The following KCNIP4 variants were observed in gnomAD, a reference collection of about 807,000 sequenced individuals.
KCNIP4 encodes the protein potassium voltage-gated channel interacting protein 4, also known as Kv channel-interacting protein 4.
KCNIP4 carries 12 observed loss-of-function variants against 34.0 expected under a neutral mutation model. The ratio of observed to expected loss-of-function variants is 0.35; its 90% confidence interval spans 0.23 to 0.57. KCNIP4 has a LOEUF of 0.57. Among genes scored for constraint, KCNIP4 ranks in the 20% least tolerant of loss-of-function variants. The probability of loss-of-function intolerance (pLI) is 0.83; values close to 1 mark genes in which losing one functional copy is unlikely to be tolerated. For missense variants in KCNIP4, 238 were observed against 311.7 expected (o/e 0.76, Z 1.78); for synonymous variants, 124 against 102.2 (o/e 1.21, Z -1.29).
At chr4:21,073,046 T>C (rs1000576253) in intron 1 of KCNIP4, among the ~76,000 whole-genome samples, 2 of 152,234 alleles carry the variant, frequency 1.3e-5, no homozygotes, top group Admixed American at 1.3e-4. Flanking sequence ...TTAGTTGCTG[T>C]AGCCTTGTAG....
intron 1 of KCNIP4, among the ~76,000 whole-genome samples, chr4:20,944,638 G>A (rs7660907): frequency 0.056 from 8,552 of 152,276 alleles, 557 homozygotes; most frequent in African/African-American, 0.16. Flanking sequence ...AAGGTTTGCG[G>A]GTTTGCCTGG....
chr4:21,381,005 T>C (rs1170828656), intron 1 of KCNIP4, among the ~76,000 whole-genome samples: 1 of 152,204 alleles, frequency 6.6e-6, no homozygotes, highest in Non-Finnish European at 1.5e-5. Flanking sequence ...TTTTTTCATC[T>C]GAAGAGTCAA....
At chr4:20,844,180 T>C (rs546327974) in intron 3 of KCNIP4, among the ~76,000 whole-genome samples, 2 of 152,336 alleles carry the variant, frequency 1.3e-5, no homozygotes, top group South Asian at 2.1e-4. Context: ...GTTTGAACCC[T>C]GGACAGCGCT....
At chr4:21,026,014 A>G (rs1252134685) in intron 1 of KCNIP4, among the ~76,000 whole-genome samples, 1 of 152,216 alleles carries the variant, frequency 6.6e-6, no homozygotes, top group Non-Finnish European at 1.5e-5. Context: ...AGAGAGAAAT[A>G]TTAGTCTAAT....
At chr4:21,865,848 G>A (rs1388312473) in intron 1 of KCNIP4, among the ~76,000 whole-genome samples, 1 of 151,492 alleles carries the variant, frequency 6.6e-6, no homozygotes, top group Non-Finnish European at 1.5e-5. Context: ...TAGGTGCCTG[G>A]CCAACAAATG....
At chr4:21,545,759 C>A (rs1738102077) in intron 1 of KCNIP4, among the ~76,000 whole-genome samples, 1 of 151,942 alleles carries the variant, frequency 6.6e-6, no homozygotes, top group Admixed American at 6.6e-5. Flanking sequence ...GTATATGTGC[C>A]CATTTTCTTT....
At chr4:21,537,591 T>A (rs943849315) in intron 1 of KCNIP4, among the ~76,000 whole-genome samples, 2 of 152,184 alleles carry the variant, frequency 1.3e-5, no homozygotes, top group African/African-American at 4.8e-5. Context: ...CGTGTCTACT[T>A]GGAATTTGTG....
intron 1 of KCNIP4, among the ~76,000 whole-genome samples, chr4:21,869,031 T>C (rs955576671): frequency 6.6e-6 from 1 of 152,186 alleles, no homozygotes; most frequent in Admixed American, 6.5e-5. Context: ...CTGAAAACCC[T>C]GTAACCTAAG....
chr4:21,034,637 C>T (rs1741297101), intron 1 of KCNIP4, among the ~76,000 whole-genome samples: 1 of 152,134 alleles, frequency 6.6e-6, no homozygotes. Context: ...GTGATGGTTT[C>T]TGTCAGTCAC....
At chr4:21,069,443 C>A (rs1042700882) in intron 1 of KCNIP4, among the ~76,000 whole-genome samples, 2 of 152,184 alleles carry the variant, frequency 1.3e-5, no homozygotes, top group Non-Finnish European at 2.9e-5. Context: ...ATCTAAAAAT[C>A]TAAGCTACTT....
chr4:21,154,192 T>C (rs1283091397), intron 1 of KCNIP4, among the ~76,000 whole-genome samples: 5 of 152,172 alleles, frequency 3.3e-5, no homozygotes, highest in African/African-American at 1.2e-4. Flanking sequence ...ATATCAATTC[T>C]CAGTTCACCA....
chr4:21,649,363 AC>A (rs1747296604), intron 1 of KCNIP4, among the ~76,000 whole-genome samples: 2 of 152,314 alleles, frequency 1.3e-5, no homozygotes, highest in African/African-American at 4.8e-5. Context: ...CTCAACAAAA[AC>A]ATGCTAAGTG....
In KCNIP4 at chr4:21,596,504, G is replaced by T. The variant is rs183030275; in HGVS notation, c.61+352067C>A. ...TTTCTTAACTTGGCATGTTGCTAAA[G>T]TCATAGTCAAATCAAATTGTGTGTG... On this transcript the variant is annotated intron_variant, in intron 1 of 8. Coordinates refer to ENST00000382152, the MANE Select transcript of KCNIP4 (RefSeq NM_025221.6). 1.7e-3 allele frequency among the ~76,000 whole-genome samples: 260 copies of T among 152,198 alleles called. 1 individual carries two copies. Among genetic ancestry groups the T allele is most frequent in the Admixed American group, 3.0e-3 (46 of 15,264 alleles).
At chr4:21,425,940 G>C (rs1338851061) in intron 1 of KCNIP4, among the ~76,000 whole-genome samples, 2 of 152,056 alleles carry the variant, frequency 1.3e-5, no homozygotes, top group Admixed American at 6.6e-5. Flanking sequence ...TGTCGTCCCA[G>C]GTACTCGAGA....
rs540358409 is a variant in KCNIP4, at chr4:21,419,105, G to A, written c.61+529466C>T. Among the ~76,000 whole-genome samples the A allele has an allele frequency of 5.3e-5, 8 of 152,286 alleles. No individual in the cohort carries two copies. The East Asian group carries it at 1.5e-3, about 29-fold the overall frequency. ...GCATGGAATACGAATCAAGGTTGAT[G>A]CATCCTTCTGCTGCAGTTGCCATTC... is the stretch of plus-strand genomic sequence containing the variant. On this transcript the variant is annotated intron_variant, in intron 1 of 8. Coordinates refer to ENST00000382152, the MANE Select transcript of KCNIP4 (RefSeq NM_025221.6).
chr4:21,247,799 G>GGA, intron 1 of KCNIP4, among the ~76,000 whole-genome samples: 2 of 59,162 alleles, frequency 3.4e-5, no homozygotes, highest in East Asian at 3.3e-4. Flanking sequence ...CACCACAGGT[G>GGA]GATATATATA....
At chr4:21,071,021 G>A (rs1005908688) in intron 1 of KCNIP4, among the ~76,000 whole-genome samples, 1 of 151,888 alleles carries the variant, frequency 6.6e-6, no homozygotes, top group Non-Finnish European at 1.5e-5. Context: ...TTCTTTGTTA[G>A]ATATGTAGTT....
chr4:21,747,378 T>C (rs1416509987), intron 1 of KCNIP4, among the ~76,000 whole-genome samples: 4 of 152,162 alleles, frequency 2.6e-5, no homozygotes, highest in Non-Finnish European at 1.5e-5. Flanking sequence ...ATGCGTTCTG[T>C]AGACGCCTCA....
intron 1 of KCNIP4, among the ~76,000 whole-genome samples, chr4:21,362,154 T>C (rs549343813): frequency 6.6e-6 from 1 of 152,274 alleles, no homozygotes; most frequent in African/African-American, 2.4e-5. Context: ...TCCTGTTGTC[T>C]AGGGAAGACA....
Sources: allele counts gnomAD v4.1 joint callset (sites outside exome capture counted in the v4.1 genomes callset), GRCh38; gene constraint gnomAD v4.1.1; transcripts MANE v1.5; gene names NCBI Gene and HGNC (gene_info 2026-07-23, HGNC 2026-07-21).